The following HDAC4 variants were observed in gnomAD, a reference collection of about 807,000 sequenced individuals.
The protein encoded by HDAC4 is histone deacetylase 4.
Under a neutral mutation model 135.1 loss-of-function variants are expected in HDAC4, and 16 were observed. That is an observed-to-expected ratio of 0.12 (90% confidence interval 0.08 to 0.18). The LOEUF (loss-of-function observed/expected upper bound fraction) is 0.18. HDAC4 is among the 10% of genes least tolerant of loss of function. The probability of loss-of-function intolerance (pLI) is 1.00; values close to 1 mark genes in which losing one functional copy is unlikely to be tolerated. For missense variants in HDAC4, 1,143 were observed against 1,511.8 expected (o/e 0.76, Z 4.05); for synonymous variants, 685 against 653.4 (o/e 1.05, Z -0.74).
At chr2:239,150,804 A>G (rs56342705) in intron 7 of HDAC4, among the ~76,000 whole-genome samples, 1 of 147,278 alleles carries the variant, frequency 6.8e-6, no homozygotes, top group Admixed American at 6.8e-5. Context: ...CCTGAAGTAT[A>G]TACCGCACCT....
intron 1 of HDAC4, among the ~76,000 whole-genome samples, chr2:239,368,505 GA>G (rs1352722148): frequency 6.6e-6 from 1 of 152,150 alleles, no homozygotes; most frequent in Non-Finnish European, 1.5e-5. Context: ...TGCCAAGCAA[GA>G]AAAACTGGAA....
rs144696090 is a variant in HDAC4, at chr2:239,322,061, G to A, written c.22+30617C>T. ...ACTCCCACTTGCAAAATCTTCTGGG[G>A]GTTAAGTACCCTTTAGAGGTTTCCT... On this transcript the variant is annotated intron_variant, in intron 2 of 26. Transcript: ENST00000543185. 2.7e-4 allele frequency among the ~76,000 whole-genome samples: 41 copies of A among 152,354 alleles called. 1 individual carries two copies. The East Asian group carries it at 7.5e-3, about 28-fold the overall frequency.
chr2:239,188,256 C>G (rs946435846), intron 4 of HDAC4, among the ~76,000 whole-genome samples: 2 of 152,242 alleles, frequency 1.3e-5, no homozygotes, highest in Non-Finnish European at 2.9e-5. Context: ...CAGCCTCCCC[C>G]ACAATCTGCC....
rs899508250 is a variant in HDAC4 at position 239,167,464 on chromosome 2, C to T, written c.491-3541G>A. On this transcript the variant is annotated intron_variant, in intron 5 of 26. Coordinates refer to ENST00000543185, the MANE Select transcript of HDAC4 (RefSeq NM_001378414.1). This position sits in a 1 kb window ranked among gnomAD's most constrained non-coding sequence, Gnocchi z 4.1. Reference sequence around the variant, plus strand: ...ACTGGGGTTCACACCCCACCCATGCCCAGCATAGGCCTGGCCAGCAGGAAA... The same window carrying T: ...ACTGGGGTTCACACCCCACCCATGCTCAGCATAGGCCTGGCCAGCAGGAAA... 2.0e-5 allele frequency among the ~76,000 whole-genome samples: 3 copies of T among 152,168 alleles called. No homozygotes were observed. Among genetic ancestry groups the T allele is most frequent in the Non-Finnish European group, 4.4e-5 (3 of 68,032 alleles).
At chr2:239,183,768 C>T (rs74003747) in intron 4 of HDAC4, among the ~76,000 whole-genome samples, 4,167 of 152,280 alleles carry the variant, frequency 0.027, 188 homozygotes, top group African/African-American at 0.095. Flanking sequence ...GCATTCGGCA[C>T]AGCTCAGGTG....
At chr2:239,250,261 A>G (rs2048708624) in intron 2 of HDAC4, among the ~76,000 whole-genome samples, 1 of 152,232 alleles carries the variant, frequency 6.6e-6, no homozygotes. Flanking sequence ...GAAGACACAG[A>G]GTCGGCCCCC....
intron 1 of HDAC4, among the ~76,000 whole-genome samples, chr2:239,396,400 A>G (rs1696566182): frequency 6.6e-6 from 1 of 152,188 alleles, no homozygotes. Context: ...TCCATACATT[A>G]ACTTAAACTT....
At chr2:239,302,489 T>C (rs1286037163) in intron 2 of HDAC4, among the ~76,000 whole-genome samples, 4 of 152,204 alleles carry the variant, frequency 2.6e-5, no homozygotes. Context: ...ATAAGTTAGC[T>C]GAAAACCTGG....
chr2:239,083,118 TC>T (rs1284878524), intron 20 of HDAC4, among the ~76,000 whole-genome samples: 2 of 152,262 alleles, frequency 1.3e-5, no homozygotes, highest in African/African-American at 4.8e-5. Flanking sequence ...ACATGTGGCT[TC>T]ACACTGAGAT....
intron 12 of HDAC4, among the ~76,000 whole-genome samples, chr2:239,119,220 CG>C (rs939336164): frequency 2.0e-5 from 3 of 152,082 alleles, no homozygotes; most frequent in African/African-American, 7.2e-5. Flanking sequence ...CTCGGTGCAC[CG>C]GAGGGAGAGC....
At chr2:239,275,166 G>A (rs1054019222) in intron 2 of HDAC4, among the ~76,000 whole-genome samples, 9 of 152,112 alleles carry the variant, frequency 5.9e-5, no homozygotes, top group Non-Finnish European at 1.2e-4. Flanking sequence ...GGGGCCGGCC[G>A]GAAGCCCCGT....
chr2:239,307,706 T>C lies in HDAC4; in HGVS notation c.22+44972A>G, dbSNP rs974705850. On this transcript the variant is annotated intron_variant, in intron 2 of 26. Coordinates refer to ENST00000543185, the MANE Select transcript of HDAC4 (RefSeq NM_001378414.1). The surrounding 1 kb of genome is among the most constrained non-coding windows in gnomAD (Gnocchi z 4.8). ...ATGACGTTCTCATGACCGCACTTGG[T>C]CTAAGCAAATGCTGCTGGGATGATT... 2.0e-5 allele frequency among the ~76,000 whole-genome samples: 3 copies of C among 152,146 alleles called. No homozygotes were observed. Among genetic ancestry groups the C allele is most frequent in the African/African-American group, 7.2e-5 (3 of 41,416 alleles).
chr2:239,175,481 C>T (rs1353696943), intron 5 of HDAC4, among the ~76,000 whole-genome samples: 1 of 152,178 alleles, frequency 6.6e-6, no homozygotes, highest in African/African-American at 2.4e-5. Context: ...CTCTAACTGT[C>T]CAAAGTGGGA....
At chr2:239,103,038 AAAG>A (rs1282096291) in intron 15 of HDAC4, 142 bp from the exon 16 acceptor site, 3 of 955,200 alleles carry the variant, frequency 3.1e-6, no homozygotes, top group Admixed American at 2.3e-5. Flanking sequence ...GGTTACTGCA[AAAG>A]AAGAAGCAAC....
At chr2:239,169,814 G>GT (rs2043341912) in intron 5 of HDAC4, among the ~76,000 whole-genome samples, 2 of 152,052 alleles carry the variant, frequency 1.3e-5, no homozygotes, top group African/African-American at 2.4e-5. Context: ...CCCCTATGCC[G>GT]CCCCGTCTCC....
intron 2 of HDAC4, among the ~76,000 whole-genome samples, chr2:239,248,555 A>C (rs1039374797): frequency 1.3e-5 from 2 of 152,200 alleles, no homozygotes; most frequent in Admixed American, 6.5e-5. Flanking sequence ...TATTGTTGCC[A>C]TATCTTGCTA....
At chr2:239,205,178 G>T (rs1194121976) in intron 3 of HDAC4, among the ~76,000 whole-genome samples, 1 of 152,200 alleles carries the variant, frequency 6.6e-6, no homozygotes, top group Non-Finnish European at 1.5e-5. Flanking sequence ...TCTACATACT[G>T]TCAGAACTCT....
chr2:239,169,539 C>T (rs1559548186), intron 5 of HDAC4, among the ~76,000 whole-genome samples: 1 of 152,260 alleles, frequency 6.6e-6, no homozygotes. Context: ...TCAGATTCCT[C>T]ACACGTGAAG....
At chr2:239,318,446 G>A (rs1207273339) in intron 2 of HDAC4, among the ~76,000 whole-genome samples, 1 of 152,140 alleles carries the variant, frequency 6.6e-6, no homozygotes, top group East Asian at 1.9e-4. Flanking sequence ...GACTGGGGAG[G>A]ACGTGAGAAT....
Sources: allele counts gnomAD v4.1 joint callset (sites outside exome capture counted in the v4.1 genomes callset), GRCh38; gene constraint gnomAD v4.1.1; non-coding constraint Gnocchi (gnomAD v3.1); transcripts MANE v1.5; gene names NCBI Gene and HGNC (gene_info 2026-07-23, HGNC 2026-07-21).